Variants in ADAMTSL1 observed in about 807,000 individuals in gnomAD.
ADAMTSL1 encodes ADAMTS like 1, also known as ADAMTS-like protein 1.
ADAMTSL1 carries 126 observed loss-of-function variants against 201.8 expected under a neutral mutation model. That is an observed-to-expected ratio of 0.62 (90% CI 0.54 to 0.72). The LOEUF (loss-of-function observed/expected upper bound fraction) is 0.72. ADAMTSL1 is among the 30% of genes least tolerant of loss of function. ADAMTSL1 has a pLI of 0.00. For missense variants in ADAMTSL1, 2,679 were observed against 2,277.8 expected (o/e 1.18, Z -3.59); for synonymous variants, 1,121 against 903.4 (o/e 1.24, Z -4.32).
intron 14 of ADAMTSL1, among the ~76,000 whole-genome samples, chr9:18,716,374 C>A (rs1832932703): frequency 6.6e-6 from 1 of 151,752 alleles, no homozygotes. Flanking sequence ...CTACAATGAA[C>A]TCAAACAAAT....
intron 1 of ADAMTSL1, among the ~76,000 whole-genome samples, chr9:18,055,273 C>A (rs918691782): frequency 6.6e-6 from 1 of 152,052 alleles, no homozygotes; most frequent in Non-Finnish European, 1.5e-5. Context: ...AAATATAAGA[C>A]CTTGGGCCTC....
intron 21 of ADAMTSL1, 29 bp from the exon 22 acceptor site, chr9:18,826,255 G>C (rs1325161991): frequency 6.6e-7 from 1 of 1,513,338 alleles, no homozygotes; most frequent in Non-Finnish European, 8.8e-7. Flanking sequence ...TGATGAGTGG[G>C]GTTTTTTGTT....
intron 2 of ADAMTSL1, among the ~76,000 whole-genome samples, chr9:18,190,944 C>G (rs1018827224): frequency 5.9e-5 from 9 of 152,136 alleles, no homozygotes; most frequent in African/African-American, 1.9e-4. Context: ...TTCTTGTTAA[C>G]TGGCCTACAG....
intron 26 of ADAMTSL1, 84 bp downstream of exon 26, chr9:18,892,680 G>T (rs1588325966): frequency 7.1e-7 from 1 of 1,408,538 alleles, no homozygotes. Context: ...TGCTATCACT[G>T]CCACTGCCAC....
At chr9:18,411,156 C>A (rs1295120734) in intron 2 of ADAMTSL1, among the ~76,000 whole-genome samples, 3 of 139,618 alleles carry the variant, frequency 2.1e-5, no homozygotes, top group Non-Finnish European at 3.0e-5. Context: ...GCCACTGCAC[C>A]CAGCCCTTTA....
intron 2 of ADAMTSL1, among the ~76,000 whole-genome samples, chr9:18,309,118 C>A (rs576502435): frequency 1.3e-5 from 2 of 151,890 alleles, no homozygotes; most frequent in Non-Finnish European, 2.9e-5. Flanking sequence ...AGAAAAAAGC[C>A]TTGGATAAAA....
intron 2 of ADAMTSL1, among the ~76,000 whole-genome samples, chr9:18,360,168 C>G (rs1364579548): frequency 6.6e-6 from 1 of 152,050 alleles, no homozygotes; most frequent in Non-Finnish European, 1.5e-5. Context: ...TTAGGTTATG[C>G]TCTGTCCTCT....
chr9:18,064,244 C>T (rs1335697167), intron 1 of ADAMTSL1, among the ~76,000 whole-genome samples: 2 of 151,592 alleles, frequency 1.3e-5, no homozygotes, highest in Non-Finnish European at 2.9e-5. Flanking sequence ...TGGGTTGCAC[C>T]GTGGAATGAT....
intron 1 of ADAMTSL1, among the ~76,000 whole-genome samples, chr9:17,935,654 T>C (rs143075734): frequency 1.4e-4 from 21 of 152,326 alleles, no homozygotes; most frequent in African/African-American, 5.0e-4. Context: ...TAGTTGTTCT[T>C]GACTCCTCTA....
At chr9:18,850,853 A>T (rs1244036460) in intron 23 of ADAMTSL1, among the ~76,000 whole-genome samples, 1 of 152,226 alleles carries the variant, frequency 6.6e-6, no homozygotes, top group Non-Finnish European at 1.5e-5. Context: ...AAACCAGCCA[A>T]TCTCAGGTAA....
chr9:18,741,607 G>A lies in ADAMTSL1; in HGVS notation c.2007-11691G>A, dbSNP rs542934716. ...CTTCCATAACAAACAAACTGGGTGG[G>A]TTAGAATAATAGAAATGTATTCCAA... On this transcript the variant is annotated intron_variant, in intron 15 of 28. Coordinates refer to ENST00000380548, the MANE Select transcript of ADAMTSL1 (RefSeq NM_001040272.6). 1.8e-4 allele frequency among the ~76,000 whole-genome samples: 27 copies of A among 152,336 alleles called. No individual in the cohort carries two copies. In the South Asian group the frequency reaches 5.2e-3, roughly 29 times the overall value.
chr9:18,053,526 G>T (rs1310644385), intron 1 of ADAMTSL1, among the ~76,000 whole-genome samples: 2 of 152,120 alleles, frequency 1.3e-5, no homozygotes, highest in Non-Finnish European at 2.9e-5. Context: ...ATTGTGTATT[G>T]TAATAATCAC....
intron 26 of ADAMTSL1, chr9:18,905,429 G>C (rs765679873): frequency 1.3e-5 from 3 of 228,170 alleles, no homozygotes. Context: ...CGAAGGGGTG[G>C]AGCTATTTAA....
intron 2 of ADAMTSL1, among the ~76,000 whole-genome samples, chr9:18,254,671 C>CT (rs1831614521): frequency 7.5e-6 from 1 of 133,926 alleles, no homozygotes; most frequent in African/African-American, 2.7e-5. Flanking sequence ...CCCCCCGCCC[C>CT]CCCCAGTACT....
chr9:17,997,833 C>G (rs541132649), intron 1 of ADAMTSL1, among the ~76,000 whole-genome samples: 2 of 152,076 alleles, frequency 1.3e-5, no homozygotes, highest in South Asian at 4.2e-4. Context: ...AAAAAATCAC[C>G]TCTTTCTTAC....
At chr9:18,276,198 G>T (rs1441263627) in intron 2 of ADAMTSL1, among the ~76,000 whole-genome samples, 9 of 151,882 alleles carry the variant, frequency 5.9e-5, no homozygotes, top group Non-Finnish European at 1.2e-4. Flanking sequence ...TTGGGTGTTT[G>T]TCTTTTTATT....
chr9:18,029,558 A>C (rs998529823), intron 1 of ADAMTSL1, among the ~76,000 whole-genome samples: 5 of 152,160 alleles, frequency 3.3e-5, no homozygotes, highest in African/African-American at 1.2e-4. Flanking sequence ...GGATCTCATT[A>C]AACTAAAGAG....
chr9:18,297,122 G>A (rs949080783), intron 2 of ADAMTSL1, among the ~76,000 whole-genome samples: 6 of 152,094 alleles, frequency 3.9e-5, no homozygotes, highest in African/African-American at 1.4e-4. Flanking sequence ...ACAGGGTCAC[G>A]ATTTTCCCAC....
intron 2 of ADAMTSL1, among the ~76,000 whole-genome samples, chr9:18,246,375 T>C (rs1029309826): frequency 2.0e-5 from 3 of 152,192 alleles, no homozygotes; most frequent in Non-Finnish European, 4.4e-5. Context: ...CAATGTGTAT[T>C]ACCATTTGGA....
Sources: gnomAD v4.1 joint callset for allele counts (sites outside exome capture counted in the v4.1 genomes callset) on GRCh38, gnomAD v4.1.1 for gene constraint, MANE v1.5 for transcripts, NCBI Gene and HGNC (gene_info 2026-07-23, HGNC 2026-07-21) for gene names.